Variants in KIAA1217 observed in about 807,000 individuals in gnomAD.
KIAA1217 encodes the protein sickle tail protein homolog.
A neutral mutation model predicts 163.9 loss-of-function variants in KIAA1217; 88 were observed. That is an observed-to-expected ratio of 0.54 (90% CI 0.45 to 0.64). The LOEUF (loss-of-function observed/expected upper bound fraction) is 0.64, where lower values mean the gene tolerates loss of function less well. Among genes scored for constraint, KIAA1217 ranks in the 30% least tolerant of loss-of-function variants. The pLI is 0.00. For missense variants in KIAA1217, 2,372 were observed against 2,475.0 expected, an observed-to-expected ratio of 0.96 and a Z score of 0.88; for synonymous variants, 903 against 923.1, an observed-to-expected ratio of 0.98 and a Z score of 0.39.
chr10:23,867,492 T>C (rs1840250695), intron 1 of KIAA1217, among the ~76,000 whole-genome samples: 3 of 152,254 alleles, frequency 2.0e-5, no homozygotes, highest in African/African-American at 2.4e-5. Flanking sequence ...TCCTATTTCT[T>C]GACATCCTCT....
At chr10:23,956,575 G>A (rs994916131) in intron 1 of KIAA1217, among the ~76,000 whole-genome samples, 4 of 152,116 alleles carry the variant, frequency 2.6e-5, no homozygotes, top group African/African-American at 7.2e-5. Context: ...CCCTGTATTC[G>A]TCTGTTTTTG....
intron 2 of KIAA1217, among the ~76,000 whole-genome samples, chr10:24,104,818 T>G (rs2062558982): frequency 2.6e-5 from 4 of 152,160 alleles, no homozygotes; most frequent in Non-Finnish European, 5.9e-5. Flanking sequence ...CTAAAACTAC[T>G]CTAAAAAGTA....
chr10:24,241,641 C>T (rs1442217853), intron 2 of KIAA1217, among the ~76,000 whole-genome samples: 1 of 152,152 alleles, frequency 6.6e-6, no homozygotes, highest in East Asian at 1.9e-4. Context: ...AATATACTGT[C>T]CTTTATTCCT....
intron 2 of KIAA1217, among the ~76,000 whole-genome samples, chr10:24,094,101 C>T (rs924941431): frequency 2.6e-5 from 4 of 151,972 alleles, no homozygotes; most frequent in Admixed American, 6.6e-5. Context: ...AATAGTGCCG[C>T]AATAAACATA....
At chr10:24,169,172 T>C (rs890829782) in intron 2 of KIAA1217, among the ~76,000 whole-genome samples, 3 of 152,392 alleles carry the variant, frequency 2.0e-5, no homozygotes, top group South Asian at 2.1e-4. Context: ...ATTATTTATC[T>C]GCTATCTTTA....
intron 2 of KIAA1217, among the ~76,000 whole-genome samples, chr10:24,063,824 T>A (rs1367072327): frequency 6.6e-6 from 1 of 152,230 alleles, no homozygotes. Context: ...CATTGAGCAG[T>A]GGTTTGTAGT....
chr10:23,910,312 A>G (rs1255555844), intron 1 of KIAA1217, among the ~76,000 whole-genome samples: 2 of 152,094 alleles, frequency 1.3e-5, no homozygotes, highest in African/African-American at 4.8e-5. Flanking sequence ...AAAAGAAAAG[A>G]AAAGAAAGCT....
At chr10:24,038,580 T>A (rs576431372) in intron 2 of KIAA1217, among the ~76,000 whole-genome samples, 3 of 152,244 alleles carry the variant, frequency 2.0e-5, no homozygotes, top group African/African-American at 7.2e-5. Context: ...CAAGCAGCCC[T>A]GCAAGTGACC....
At chr10:24,341,257 A>G (rs1204680505) in intron 2 of KIAA1217, among the ~76,000 whole-genome samples, 1 of 152,144 alleles carries the variant, frequency 6.6e-6, no homozygotes, top group East Asian at 1.9e-4. Flanking sequence ...GTGGTATATG[A>G]TAGGATTCCC....
At chr10:23,958,362 A>G (rs1844660702) in intron 1 of KIAA1217, among the ~76,000 whole-genome samples, 1 of 152,216 alleles carries the variant, frequency 6.6e-6, no homozygotes, top group Non-Finnish European at 1.5e-5. Flanking sequence ...GGGCAAGCAC[A>G]TAGATAAGAG....
At chr10:24,449,710 C>G in intron 5 of KIAA1217, 1 of 985,352 alleles carries the variant, frequency 1.0e-6, no homozygotes, top group Non-Finnish European at 1.2e-6. Context: ...GTTTCGAGGT[C>G]TCTGCAAGTC....
chr10:24,456,080 T>A (rs1158879843), intron 5 of KIAA1217, among the ~76,000 whole-genome samples: 2 of 151,886 alleles, frequency 1.3e-5, no homozygotes, highest in Non-Finnish European at 2.9e-5. Context: ...GAGGTAGGGT[T>A]TCACCATGTT....
intron 1 of KIAA1217, among the ~76,000 whole-genome samples, chr10:23,869,688 G>A (rs1043020820): frequency 6.6e-6 from 1 of 152,044 alleles, no homozygotes; most frequent in African/African-American, 2.4e-5. Context: ...TTCTTGAGTG[G>A]GAGAGAAGAA....
At chr10:23,965,734 G>T (rs929870120) in intron 1 of KIAA1217, among the ~76,000 whole-genome samples, 1 of 152,156 alleles carries the variant, frequency 6.6e-6, no homozygotes, top group Non-Finnish European at 1.5e-5. Flanking sequence ...GAGGGAGTGG[G>T]AATGCTGCCT....
chr10:24,520,606 T>TAG (rs1036900045), intron 11 of KIAA1217, among the ~76,000 whole-genome samples: 1 of 120,624 alleles, frequency 8.3e-6, no homozygotes, highest in African/African-American at 3.3e-5. Context: ...CTGGGCAATA[T>TAG]AGAGAGACTC....
rs536281622 is a variant in KIAA1217 at position 24,538,999 on chromosome 10, T to G, written c.3534+2106T>G. ...CACCCGCCTCAGCCTCTCAAAATGC[T>G]GGGATTACAGGCGTGAGCCACCGCA... On this transcript the variant is annotated intron_variant, in intron 17 of 20. Coordinates refer to ENST00000376454, the MANE Select transcript of KIAA1217 (RefSeq NM_019590.5). 2.6e-4 allele frequency among the ~76,000 whole-genome samples: 40 copies of G among 152,240 alleles called. No individual in the cohort carries two copies. In the South Asian group the frequency reaches 8.3e-3, roughly 32 times the overall value.
intron 1 of KIAA1217, among the ~76,000 whole-genome samples, chr10:23,751,430 G>A (rs1401000624): frequency 6.6e-6 from 1 of 152,092 alleles, no homozygotes; most frequent in Non-Finnish European, 1.5e-5. Flanking sequence ...AATCAGTGAG[G>A]ATCATATGTA....
chr10:24,318,870 T>C (rs573412138), intron 2 of KIAA1217, among the ~76,000 whole-genome samples: 1 of 152,316 alleles, frequency 6.6e-6, no homozygotes, highest in African/African-American at 2.4e-5. Flanking sequence ...GTGTAACAAG[T>C]ATTGCTGTGT....
intron 2 of KIAA1217, among the ~76,000 whole-genome samples, chr10:24,234,024 A>G (rs998062038): frequency 2.0e-5 from 3 of 152,068 alleles, no homozygotes; most frequent in African/African-American, 7.2e-5. Flanking sequence ...TAAAAATATT[A>G]TCTCTCTTGA....
Sources: allele counts gnomAD v4.1 joint callset (sites outside exome capture counted in the v4.1 genomes callset), GRCh38; gene constraint gnomAD v4.1.1; transcripts MANE v1.5; gene names NCBI Gene and HGNC (gene_info 2026-07-23, HGNC 2026-07-21).